Variants in PXDNL observed in about 807,000 individuals in gnomAD.
PXDNL encodes the protein peroxidasin like, also known as probable oxidoreductase PXDNL.
A neutral mutation model predicts 150.8 loss-of-function variants in PXDNL; 145 were observed. The observed-to-expected ratio is 0.96, with a 90% CI of 0.84 to 1.10. PXDNL has a LOEUF of 1.10. Ranked by LOEUF, PXDNL falls within the 50% of genes least tolerant of loss-of-function variation. The probability of loss-of-function intolerance (pLI) is 0.00; values close to 1 mark genes in which losing one functional copy is unlikely to be tolerated. For synonymous variants in PXDNL, 757 were observed against 725.7 expected (o/e 1.04, Z -0.69); for missense variants, 2,087 against 1,873.9 (o/e 1.11, Z -2.10).
chr8:51,803,029 C>T (rs894792871), intron 1 of PXDNL, among the ~76,000 whole-genome samples: 10 of 152,174 alleles, frequency 6.6e-5, no homozygotes, highest in Non-Finnish European at 1.3e-4. Flanking sequence ...ATCCAGGTAT[C>T]CTCAAAATTG....
intron 21 of PXDNL, among the ~76,000 whole-genome samples, chr8:51,339,300 A>T (rs1211657452): frequency 6.6e-6 from 1 of 152,150 alleles, no homozygotes; most frequent in East Asian, 1.9e-4. Flanking sequence ...TCTCTACTAA[A>T]AATACAAAAC....
At chr8:51,396,335 G>T (rs1393824522) in intron 17 of PXDNL, among the ~76,000 whole-genome samples, 1 of 152,242 alleles carries the variant, frequency 6.6e-6, no homozygotes, top group African/African-American at 2.4e-5. Context: ...GCAGCACAGG[G>T]ACGTGGGAAG....
intron 19 of PXDNL, among the ~76,000 whole-genome samples, chr8:51,350,700 T>A (rs1323335202): frequency 6.6e-6 from 1 of 151,908 alleles, no homozygotes; most frequent in Non-Finnish European, 1.5e-5. Context: ...CCCGCACACG[T>A]GGTGACAAGG....
At chr8:51,538,986 A>T (rs575518992) in intron 4 of PXDNL, among the ~76,000 whole-genome samples, 1 of 152,214 alleles carries the variant, frequency 6.6e-6, no homozygotes, top group Non-Finnish European at 1.5e-5. Flanking sequence ...TATTAGAATC[A>T]TTAGAATCTC....
At chr8:51,581,564 A>C in intron 3 of PXDNL, among the ~76,000 whole-genome samples, 1 of 152,200 alleles carries the variant, frequency 6.6e-6, no homozygotes, top group African/African-American at 2.4e-5. Context: ...CACCAGAAAA[A>C]GAAATGAAAT....
chr8:51,584,474 C>T (rs1040367365), intron 3 of PXDNL, among the ~76,000 whole-genome samples: 1 of 152,138 alleles, frequency 6.6e-6, no homozygotes, highest in South Asian at 2.1e-4. Flanking sequence ...TTCATCTATT[C>T]CATATATAAA....
At chr8:51,326,873 T>C (rs1805512103) in intron 21 of PXDNL, among the ~76,000 whole-genome samples, 1 of 152,162 alleles carries the variant, frequency 6.6e-6, no homozygotes, top group South Asian at 2.1e-4. Context: ...ATAGGAGTAT[T>C]GCAGATGTAA....
chr8:51,583,368 C>A (rs1279940550), intron 3 of PXDNL, among the ~76,000 whole-genome samples: 1 of 152,066 alleles, frequency 6.6e-6, no homozygotes, highest in Non-Finnish European at 1.5e-5. Flanking sequence ...CCTTATCAAT[C>A]TTGAAAGGTT....
chr8:51,542,491 C>A (rs1357090943), intron 4 of PXDNL, among the ~76,000 whole-genome samples: 1 of 121,764 alleles, frequency 8.2e-6, no homozygotes, highest in Non-Finnish European at 1.6e-5. Context: ...AATTAATGCC[C>A]TTATAAAAAA....
intron 17 of PXDNL, among the ~76,000 whole-genome samples, chr8:51,378,872 C>A (rs934713476): frequency 6.6e-6 from 1 of 152,196 alleles, no homozygotes; most frequent in Admixed American, 6.5e-5. Flanking sequence ...TCAGAAGGAA[C>A]AAACTCTGGA....
At position 51,374,572 on chromosome 8, in the gene PXDNL, A is replaced by G. The variant is rs759182911; in HGVS notation, c.3692+25T>C. 9.9e-6 allele frequency: 16 copies of G among 1,609,076 alleles called. No homozygotes were observed. In the South Asian group the frequency reaches 1.8e-4, roughly 18 times the overall value. ...TCAAAAACAACTTTTGTGATATTTA[A>G]TAAGTATAACAGATAATCATTCACC... On this transcript the variant is annotated intron_variant, in intron 18 of 22. Coordinates refer to ENST00000356297, the MANE Select transcript of PXDNL (RefSeq NM_144651.5).
At chr8:51,608,046 A>AAGC (rs1813891895) in intron 2 of PXDNL, among the ~76,000 whole-genome samples, 4 of 116,566 alleles carry the variant, frequency 3.4e-5, no homozygotes, top group African/African-American at 1.6e-4. Flanking sequence ...AGAAAGAAAG[A>AAGC]AAGAAAGAAA....
chr8:51,570,217 G>C (rs1299090030), intron 3 of PXDNL, among the ~76,000 whole-genome samples: 1 of 151,872 alleles, frequency 6.6e-6, no homozygotes. Flanking sequence ...GAGTCTGGCA[G>C]AGAAGTGTTG....
At chr8:51,385,963 A>G (rs1437527605) in intron 17 of PXDNL, among the ~76,000 whole-genome samples, 1 of 152,172 alleles carries the variant, frequency 6.6e-6, no homozygotes, top group East Asian at 1.9e-4. Flanking sequence ...CCCAATCTCC[A>G]GTATGTGTTT....
At chr8:51,756,333 A>G (rs1203136476) in intron 1 of PXDNL, among the ~76,000 whole-genome samples, 1 of 151,376 alleles carries the variant, frequency 6.6e-6, no homozygotes, top group Non-Finnish European at 1.5e-5. Context: ...CAGAAGTTGC[A>G]GTGAGTCCAG....
intron 2 of PXDNL, among the ~76,000 whole-genome samples, chr8:51,638,567 C>T (rs1814662408): frequency 6.6e-6 from 1 of 152,102 alleles, no homozygotes; most frequent in South Asian, 2.1e-4. Context: ...TCTGATAAAA[C>T]AGACTTTAAA....
intron 1 of PXDNL, among the ~76,000 whole-genome samples, chr8:51,747,789 A>T (rs1281285953): frequency 1.3e-5 from 2 of 152,198 alleles, no homozygotes; most frequent in Non-Finnish European, 2.9e-5. Context: ...GTTTTAATGA[A>T]TTCAACCTGG....
intron 10 of PXDNL, 88 bp from the exon 11 acceptor site, chr8:51,449,206 T>C: frequency 2.8e-6 from 2 of 705,282 alleles, no homozygotes; most frequent in Non-Finnish European, 4.9e-6. Context: ...TTCAAATATG[T>C]CATGTGATCA....
chr8:51,694,811 T>C (rs1816081739), intron 1 of PXDNL, among the ~76,000 whole-genome samples: 1 of 152,222 alleles, frequency 6.6e-6, no homozygotes, highest in African/African-American at 2.4e-5. Flanking sequence ...ATTAGGACCA[T>C]CTGAGTGTAC....
Sources: allele counts gnomAD v4.1 joint callset (sites outside exome capture counted in the v4.1 genomes callset), GRCh38; gene constraint gnomAD v4.1.1; transcripts MANE v1.5; gene names NCBI Gene and HGNC (gene_info 2026-07-23, HGNC 2026-07-21).